The following MCC variants were observed in gnomAD, a reference collection of about 807,000 sequenced individuals.
The protein encoded by MCC is MCC regulator of Wnt signaling pathway.
In MCC, 90 loss-of-function variants were observed where a neutral mutation model predicts 116.2. That is an observed-to-expected ratio of 0.77 (90% CI 0.65 to 0.92). MCC has a LOEUF of 0.92. MCC is among the 40% of genes least tolerant of loss of function. MCC has a pLI of 0.00. For missense variants in MCC, 1,516 were observed against 1,312.2 expected, an observed-to-expected ratio of 1.16 and a Z score of -2.40; for synonymous variants, 578 against 510.5, an observed-to-expected ratio of 1.13 and a Z score of -1.78.
At chr5:113,263,022 G>A (rs1765272263) in intron 3 of MCC, among the ~76,000 whole-genome samples, 2 of 151,768 alleles carry the variant, frequency 1.3e-5, no homozygotes, top group South Asian at 2.1e-4. Context: ...TTTGAGAAAT[G>A]TTTTTTCCTA....
At chr5:113,033,778 A>G (rs909407074) in intron 17 of MCC, among the ~76,000 whole-genome samples, 2 of 152,194 alleles carry the variant, frequency 1.3e-5, no homozygotes, top group African/African-American at 4.8e-5. Flanking sequence ...GACTGTGACA[A>G]CTGAAGTCCC....
At chr5:113,358,190 C>A (rs1439536871) in intron 2 of MCC, among the ~76,000 whole-genome samples, 2 of 152,180 alleles carry the variant, frequency 1.3e-5, no homozygotes, top group Non-Finnish European at 2.9e-5. Flanking sequence ...AGTTACATTT[C>A]TCTGAGTATG....
intron 3 of MCC, among the ~76,000 whole-genome samples, chr5:113,284,260 C>T (rs569918345): frequency 2.6e-5 from 4 of 152,238 alleles, no homozygotes; most frequent in South Asian, 2.1e-4. Context: ...TGAGGTGGGA[C>T]GATCACTTGA....
At chr5:113,218,630 A>G (rs1171339386) in intron 3 of MCC, among the ~76,000 whole-genome samples, 1 of 152,256 alleles carries the variant, frequency 6.6e-6, no homozygotes, top group Non-Finnish European at 1.5e-5. Flanking sequence ...AATGTTAAAC[A>G]AGAAAAGCAA....
chr5:113,383,230 G>A (rs541800168), intron 2 of MCC, among the ~76,000 whole-genome samples: 1 of 151,958 alleles, frequency 6.6e-6, no homozygotes, highest in African/African-American at 2.4e-5. Flanking sequence ...TATTGGTTGG[G>A]GTGTTCCACA....
chr5:113,064,293 G>T, intron 13 of MCC, 126 bp from the exon 14 acceptor site: 1 of 817,242 alleles, frequency 1.2e-6, no homozygotes, highest in Non-Finnish European at 1.9e-6. Flanking sequence ...AATTGGCAGT[G>T]CCCAGCCGAA....
chr5:113,162,136 G>C (rs1250880328), intron 3 of MCC, among the ~76,000 whole-genome samples: 1 of 152,160 alleles, frequency 6.6e-6, no homozygotes, highest in Non-Finnish European at 1.5e-5. Context: ...TTTTAGGTCT[G>C]AATCTTCTTT....
At chr5:113,454,514 T>C (rs1455768483) in intron 1 of MCC, among the ~76,000 whole-genome samples, 1 of 152,184 alleles carries the variant, frequency 6.6e-6, no homozygotes. Flanking sequence ...ATGTCAGTCA[T>C]AATAAAACCC....
At chr5:113,056,385 T>A (rs922859158) in intron 14 of MCC, among the ~76,000 whole-genome samples, 1 of 152,188 alleles carries the variant, frequency 6.6e-6, no homozygotes, top group Non-Finnish European at 1.5e-5. Context: ...ACGAATACTA[T>A]GTAGCCATAA....
At chr5:113,462,354 C>T (rs1396059970) in intron 1 of MCC, among the ~76,000 whole-genome samples, 1 of 152,186 alleles carries the variant, frequency 6.6e-6, no homozygotes, top group African/African-American at 2.4e-5. Flanking sequence ...TTCATAGTTC[C>T]CAGGGCAGCA....
chr5:113,185,770 A>G (rs1761869309), intron 3 of MCC, among the ~76,000 whole-genome samples: 1 of 152,216 alleles, frequency 6.6e-6, no homozygotes, highest in Non-Finnish European at 1.5e-5. Context: ...AACATATTAA[A>G]GAGATTTAGG....
intron 3 of MCC, among the ~76,000 whole-genome samples, chr5:113,154,932 A>C (rs7714361): frequency 0.23 from 34,645 of 152,024 alleles, 4,044 homozygotes; most frequent in South Asian, 0.27. Flanking sequence ...TGAAATATAC[A>C]TTATTGCCAG....
Position 113,119,314 on chromosome 5 carries a change from G to C in MCC, c.1027+3370C>G, listed in dbSNP as rs370432635. 2.1e-4 allele frequency among the ~76,000 whole-genome samples: 32 copies of C among 152,324 alleles called. 1 individual carries two copies. The highest frequency in any genetic ancestry group is 7.5e-4 in the African/African-American group (31 of 41,576). On this transcript the variant is annotated intron_variant, in intron 6 of 18. Coordinates refer to ENST00000408903, the MANE Select transcript of MCC (RefSeq NM_001085377.2). ...CCATGTTATGAAAGAAAATGAAGCAGGGAAAGGGAAGCAAGTGGCTGCCTG... is the reference window on the plus strand; with the variant it reads ...CCATGTTATGAAAGAAAATGAAGCACGGAAAGGGAAGCAAGTGGCTGCCTG...
At chr5:113,357,977 A>T (rs1343965799) in intron 2 of MCC, among the ~76,000 whole-genome samples, 2 of 152,210 alleles carry the variant, frequency 1.3e-5, no homozygotes, top group East Asian at 1.9e-4. Context: ...AAAATTTTTT[A>T]AAAACTTTCT....
chr5:113,429,020 T>A (rs1312123547), intron 1 of MCC, among the ~76,000 whole-genome samples: 1 of 152,192 alleles, frequency 6.6e-6, no homozygotes, highest in African/African-American at 2.4e-5. Context: ...GTAATCACAC[T>A]ATATCTAAGT....
chr5:113,468,067 T>A (rs1156443630), intron 1 of MCC, among the ~76,000 whole-genome samples: 3 of 152,216 alleles, frequency 2.0e-5, no homozygotes, highest in Non-Finnish European at 4.4e-5. Flanking sequence ...CTTATCAGCT[T>A]GAGGAGATTT....
At chr5:113,141,029 G>A (rs181134802) in intron 5 of MCC, among the ~76,000 whole-genome samples, 27 of 152,302 alleles carry the variant, frequency 1.8e-4, no homozygotes, top group African/African-American at 6.0e-4. Context: ...GTTGGACTCG[G>A]GGAAGATCCA....
At chr5:113,292,569 A>G (rs558451585) in intron 3 of MCC, among the ~76,000 whole-genome samples, 1 of 150,276 alleles carries the variant, frequency 6.7e-6, no homozygotes, top group African/African-American at 2.4e-5. Context: ...GGGAGTGGAT[A>G]CAACTAGGCA....
rs1416921761 is a variant in MCC at position 113,486,839 on chromosome 5, C to CT, written c.170+1405dup. On this transcript the variant is annotated intron_variant, in intron 1 of 18. Coordinates refer to ENST00000408903, the MANE Select transcript of MCC (RefSeq NM_001085377.2). ...CCTGGGTGATAGAGCGAGATTCTGT[C>CT]TAAAAAAAAAAAAAATTGTATCCAA... Among the ~76,000 whole-genome samples the CT allele has an allele frequency of 7.1e-5, 5 of 70,696 alleles. No individual in the cohort carries two copies. The East Asian group carries it at 3.2e-3, about 45-fold the overall frequency. The allele number at this position is 70,696 out of a possible 152,430, so 46.4% of individuals were successfully genotyped here.
Sources: gnomAD v4.1 joint callset for allele counts (sites outside exome capture counted in the v4.1 genomes callset) on GRCh38, gnomAD v4.1.1 for gene constraint, MANE v1.5 for transcripts, NCBI Gene and HGNC (gene_info 2026-07-23, HGNC 2026-07-21) for gene names.